Variants in ARHGEF17 observed in about 807,000 individuals in gnomAD.
ARHGEF17 encodes the protein 164 kDa Rho-specific guanine-nucleotide exchange factor.
Under a neutral mutation model 174.0 loss-of-function variants are expected in ARHGEF17, and 80 were observed. That is an observed-to-expected ratio of 0.46 (90% CI 0.38 to 0.55). ARHGEF17 has a LOEUF of 0.55. ARHGEF17 is among the 20% of genes least tolerant of loss of function. The pLI, the probability that ARHGEF17 is intolerant of heterozygous loss-of-function variation, is 0.00. For missense variants in ARHGEF17, 2,886 were observed against 2,839.7 expected (o/e 1.02, Z -0.37); for synonymous variants, 1,311 against 1,189.1 (o/e 1.10, Z -2.11).
intron 1 of ARHGEF17, among the ~76,000 whole-genome samples, chr11:73,320,435 A>G (rs1864998126): frequency 2.0e-5 from 3 of 150,872 alleles, no homozygotes; most frequent in Admixed American, 1.3e-4. Flanking sequence ...GGAGTTCAAG[A>G]CTCAGCCTGG....
chr11:73,337,330 C>G (rs1329546088), intron 1 of ARHGEF17, among the ~76,000 whole-genome samples: 1 of 151,400 alleles, frequency 6.6e-6, no homozygotes, highest in Non-Finnish European at 1.5e-5. Context: ...TCGCTTGAGC[C>G]CAGGAGTTTG....
intron 1 of ARHGEF17, among the ~76,000 whole-genome samples, chr11:73,335,852 A>G (rs759279719): frequency 2.6e-5 from 4 of 152,214 alleles, no homozygotes; most frequent in Non-Finnish European, 2.9e-5. Context: ...TTGTTTACAG[A>G]GGGGGAAACT....
At chr11:73,334,598 G>C (rs935357783) in intron 1 of ARHGEF17, among the ~76,000 whole-genome samples, 1 of 152,200 alleles carries the variant, frequency 6.6e-6, no homozygotes, top group Non-Finnish European at 1.5e-5. Flanking sequence ...ATCTTCAGCC[G>C]AGGCAGGCTC....
rs752534409 is a variant in ARHGEF17 at position 73,310,046 on chromosome 11, G to C, written c.1408G>C (p.Glu470Gln). 1.9e-6 allele frequency: 3 copies of C among 1,614,200 alleles called. No homozygotes were observed. The South Asian group carries it at 3.3e-5, about 18-fold the overall frequency. ...KSLSNPDIASETLTLLSFLRS... is the reference protein window; with the variant it reads ...KSLSNPDIASQTLTLLSFLRS... The stretch of plus-strand genomic sequence containing the variant: ...CCTGTCAAATCCAGATATCGCCTCA[G>C]AGACCCTGACGCTTCTCAGTTTCCT... The change falls in exon 1 of 21, where the codon GAG (glutamate) becomes CAG (glutamine). Residue 470 changes from glutamate to glutamine, a missense_variant. By Grantham distance (29) the Glu-to-Gln change is conservative. Transcript: ENST00000263674.
At chr11:73,339,706 G>A (rs889693906) in intron 1 of ARHGEF17, among the ~76,000 whole-genome samples, 3 of 152,146 alleles carry the variant, frequency 2.0e-5, no homozygotes, top group African/African-American at 7.2e-5. Flanking sequence ...TGCTCCCCAG[G>A]GCTGGTAGAA....
At chr11:73,313,293 C>G (rs1165272362) in intron 1 of ARHGEF17, among the ~76,000 whole-genome samples, 2 of 152,128 alleles carry the variant, frequency 1.3e-5, no homozygotes, top group African/African-American at 4.8e-5. Flanking sequence ...CCCCTGAACT[C>G]CAGTGCCAGT....
chr11:73,313,248 C>T (rs1463163809), intron 1 of ARHGEF17, among the ~76,000 whole-genome samples: 1 of 152,124 alleles, frequency 6.6e-6, no homozygotes, highest in Non-Finnish European at 1.5e-5. Context: ...TGAACCTGTC[C>T]TTCCTTCTGA....
chr11:73,361,265 C>T, intron 12 of ARHGEF17, 104 bp downstream of exon 12: 2 of 1,037,486 alleles, frequency 1.9e-6, no homozygotes, highest in East Asian at 2.5e-5. Context: ...ATTGCTATTG[C>T]TCCTTATGTC....
Position 73,312,339 on chromosome 11 carries a change from G to A in ARHGEF17, c.3192+509G>A, listed in dbSNP as rs377571217. On this transcript the variant is annotated intron_variant, in intron 1 of 20. Coordinates refer to ENST00000263674, the MANE Select transcript of ARHGEF17 (RefSeq NM_014786.4). ...GGTCAGAATATAGATGTGTTCCTGG[G>A]CCTGGGAGAATTGGGGAGGTACAAG... Among the ~76,000 whole-genome samples, 4 of 152,300 alleles carry A rather than the reference G, an allele frequency of 2.6e-5. No individual in the cohort carries two copies. In the South Asian group the frequency reaches 8.3e-4, roughly 32 times the overall value.
Position 73,352,922 on chromosome 11 carries a change from G to A in ARHGEF17, c.3363G>A (p.Leu1121=). The A allele has an allele frequency of 6.2e-7, 1 of 1,614,144 alleles. No individual in the cohort carries two copies. Among genetic ancestry groups the A allele is most frequent in the Admixed American group, 1.7e-5 (1 of 60,024 alleles). The change falls in exon 3 of 21, where the codon CTG becomes CTA. Residue 1121 remains leucine, a synonymous_variant. Transcript: ENST00000263674. ...TCTTCGACCAGATCCCCGAGCTCCT[G>A]GAGCACCACGAGCAATTCCTGGAGC... ...DEIFDQIPEL[L]EHHEQFLEQV...
At chr11:73,343,109 C>T (rs1380658779) in intron 1 of ARHGEF17, 2 of 357,070 alleles carry the variant, frequency 5.6e-6, no homozygotes, top group African/African-American at 4.3e-5. Context: ...CCGCCGCCAC[C>T]CCGGCGCCCC....
At position 73,311,628 on chromosome 11, in the gene ARHGEF17, C is replaced by A; in HGVS notation, c.2990C>A (p.Thr997Lys). 1 of 1,613,304 alleles carries A rather than the reference C, an allele frequency of 6.2e-7. No individual in the cohort carries two copies. Among genetic ancestry groups the A allele is most frequent in the Non-Finnish European group, 8.5e-7 (1 of 1,179,872 alleles). ...GGCTTCCCTACCCGAGCCCATCCCA[C>A]GTTGCAGGCACCATCGCTCGAGGAC... ...PIGFPTRAHP[T>K]LQAPSLEDVT... is the part of the protein sequence containing the mutation. Residue 997 changes from threonine to lysine, a missense_variant, in exon 1 of 21, where the codon ACG becomes AAG. Thr to Lys is a moderately conservative substitution (Grantham distance 78). Around this residue, in one of 4 missense-constraint regions of ARHGEF17, gnomAD observed 1,728 missense variants for 1,461.2 expected, o/e 1.18. Coordinates refer to ENST00000263674, the MANE Select transcript of ARHGEF17 (RefSeq NM_014786.4).
intron 1 of ARHGEF17, among the ~76,000 whole-genome samples, chr11:73,329,371 A>ATTTT (rs1565193814): frequency 2.5e-4 from 1 of 4,006 alleles, no homozygotes; most frequent in African/African-American, 7.8e-4. Context: ...ATATATATAT[A>ATTTT]TATTTTTTTT....
rs770957933 is a variant in ARHGEF17, at chr11:73,311,307, C to T, written c.2669C>T (p.Pro890Leu). 4 of 1,613,110 alleles carry T rather than the reference C, an allele frequency of 2.5e-6. No individual in the cohort carries two copies. Among genetic ancestry groups the T allele is most frequent in the African/African-American group, 1.3e-5 (1 of 74,942 alleles). The change falls in exon 1 of 21, where the codon CCT becomes CTT. Residue 890 changes from proline to leucine, a missense_variant. Physicochemically the swap from Pro to Leu is moderately conservative, Grantham distance 98. Coordinates refer to ENST00000263674, the MANE Select transcript of ARHGEF17 (RefSeq NM_014786.4). ...RSRAQSERAL[P>L]EALPPPATAH... ...CGGGCACAGTCTGAAAGGGCCCTAC[C>T]TGAGGCTCTGCCTCCCCCTGCCACT...
Position 73,310,890 on chromosome 11 carries a change from C to G in ARHGEF17, c.2252C>G (p.Thr751Ser). Residue 751 changes from threonine to serine, a missense_variant, in exon 1 of 21, where the codon ACT becomes AGT. This residue lies in a region of ARHGEF17 where 1,728 missense variants were observed against 1,461.2 expected (regional missense o/e 1.18). Coordinates refer to ENST00000263674, the MANE Select transcript of ARHGEF17 (RefSeq NM_014786.4). The stretch of plus-strand genomic sequence containing the variant: ...CGGGCTGCCACCTCTGAAGAGCCTA[C>G]TGGGTTCTCTGTGGACAGCAACCTC... Reference protein sequence around the residue: ...RHRAATSEEPTGFSVDSNLLG... With the variant: ...RHRAATSEEPSGFSVDSNLLG... The G allele has an allele frequency of 1.2e-6, 2 of 1,613,252 alleles. No individual in the cohort carries two copies. The highest frequency in any genetic ancestry group is 1.7e-6 in the Non-Finnish European group (2 of 1,179,628).
intron 1 of ARHGEF17, among the ~76,000 whole-genome samples, chr11:73,332,983 A>G (rs974020882): frequency 5.9e-5 from 9 of 152,084 alleles, no homozygotes; most frequent in Non-Finnish European, 1.3e-4. Flanking sequence ...TCACAGTCCC[A>G]CAGCAGGTCA....
intron 1 of ARHGEF17, among the ~76,000 whole-genome samples, chr11:73,334,251 T>G (rs983156392): frequency 6.6e-6 from 1 of 152,132 alleles, no homozygotes; most frequent in Non-Finnish European, 1.5e-5. Flanking sequence ...CAGGGATAGG[T>G]CAGGGAGGGT....
At chr11:73,347,961 C>T (rs571341251) in intron 2 of ARHGEF17, among the ~76,000 whole-genome samples, 1 of 152,094 alleles carries the variant, frequency 6.6e-6, no homozygotes, top group Non-Finnish European at 1.5e-5. Flanking sequence ...GGCTCCTGGC[C>T]TCGGATAGGT....
chr11:73,311,857 T>C (rs745570940), intron 1 of ARHGEF17, 27 bp downstream of exon 1: 12 of 1,567,522 alleles, frequency 7.7e-6, no homozygotes, highest in South Asian at 4.6e-5. Context: ...GGCCTTCAGA[T>C]TGGGGCCAAA....
Sources: allele counts gnomAD v4.1 joint callset (sites outside exome capture counted in the v4.1 genomes callset), GRCh38; gene constraint gnomAD v4.1.1; regional missense constraint gnomAD v4.1.1; transcripts MANE v1.5; gene names NCBI Gene and HGNC (gene_info 2026-07-23, HGNC 2026-07-21).